The following TENM2 variants were observed in gnomAD, a reference collection of about 807,000 sequenced individuals.
The protein encoded by TENM2 is teneurin transmembrane protein 2, also known as teneurin-2.
TENM2 carries 52 observed loss-of-function variants against 245.2 expected under a neutral mutation model. That is an observed-to-expected ratio of 0.21 (90% CI 0.17 to 0.27). The LOEUF (loss-of-function observed/expected upper bound fraction) is 0.27, where lower values mean the gene tolerates loss of function less well. Ranked by LOEUF, TENM2 falls within the 10% of genes least tolerant of loss-of-function variation. TENM2 has a pLI of 1.00. For synonymous variants in TENM2, 1,363 were observed against 1,438.9 expected (o/e 0.95, Z 1.19); for missense variants, 3,046 against 3,666.8 (o/e 0.83, Z 4.37).
chr5:168,006,556 C>T (rs1193202666), intron 5 of TENM2, among the ~76,000 whole-genome samples: 1 of 152,132 alleles, frequency 6.6e-6, no homozygotes, highest in Non-Finnish European at 1.5e-5. Context: ...CTAACTGGGG[C>T]CCGCTGCCTA....
intron 2 of TENM2, among the ~76,000 whole-genome samples, chr5:167,391,624 A>C (rs1224543674): frequency 3.8e-5 from 3 of 78,678 alleles, no homozygotes; most frequent in African/African-American, 2.3e-4. Flanking sequence ...GACTTCATCA[A>C]AAAAAAAAAA....
At chr5:167,413,586 G>T (rs912700161) in intron 2 of TENM2, among the ~76,000 whole-genome samples, 1 of 152,054 alleles carries the variant, frequency 6.6e-6, no homozygotes, top group Non-Finnish European at 1.5e-5. Flanking sequence ...CACATTGTAG[G>T]TTTACCTCCC....
At chr5:168,000,149 T>C (rs1002372650) in intron 5 of TENM2, among the ~76,000 whole-genome samples, 3 of 152,214 alleles carry the variant, frequency 2.0e-5, no homozygotes, top group Admixed American at 1.3e-4. Context: ...CTGGATTCCT[T>C]TGGGTGGTGG....
At chr5:166,994,329 G>GT in the TENM2 span, among the ~76,000 whole-genome samples, 32 of 152,114 alleles carry the variant, frequency 2.1e-4, no homozygotes, top group African/African-American at 5.6e-4. Context: ...AGCTTCCTCT[G>GT]TTTTTTTCTT....
chr5:167,317,521 C>CT (rs5873027), intron 1 of TENM2, among the ~76,000 whole-genome samples: 4,256 of 152,214 alleles, frequency 0.028, 349 homozygotes, highest in Admixed American at 0.17. Context: ...GAGCATCTGT[C>CT]TATTATTCCT....
chr5:167,078,254 C>T, the TENM2 span, among the ~76,000 whole-genome samples: 4 of 151,936 alleles, frequency 2.6e-5, no homozygotes, highest in Non-Finnish European at 4.4e-5. Context: ...GAGGCTAAGA[C>T]GGGTGGATCT....
the TENM2 span, among the ~76,000 whole-genome samples, chr5:167,065,029 G>A: frequency 6.6e-6 from 1 of 151,900 alleles, no homozygotes; most frequent in South Asian, 2.1e-4. Flanking sequence ...CGTTTTAAAG[G>A]GTACAGTTCA....
intron 3 of TENM2, among the ~76,000 whole-genome samples, chr5:167,941,093 C>T (rs996257585): frequency 3.3e-5 from 5 of 152,200 alleles, no homozygotes; most frequent in African/African-American, 9.6e-5. Flanking sequence ...ATTGCTAATT[C>T]ATGACTTAAA....
chr5:167,329,119 G>A (rs1581757032), intron 1 of TENM2, among the ~76,000 whole-genome samples: 1 of 152,154 alleles, frequency 6.6e-6, no homozygotes, highest in South Asian at 2.1e-4. Context: ...TTGGCTTCAT[G>A]CAACAACAAC....
chr5:167,017,162 G>C, the TENM2 span, among the ~76,000 whole-genome samples: 3 of 152,174 alleles, frequency 2.0e-5, no homozygotes, highest in African/African-American at 7.2e-5. Flanking sequence ...GTAAAAATCT[G>C]TCCTTTGAGG....
At chr5:168,166,846 G>A (rs1221703635) in intron 13 of TENM2, among the ~76,000 whole-genome samples, 1 of 152,132 alleles carries the variant, frequency 6.6e-6, no homozygotes, top group Non-Finnish European at 1.5e-5. Flanking sequence ...TGTTGGAGAA[G>A]GCTGCCTTAG....
the TENM2 span, among the ~76,000 whole-genome samples, chr5:167,256,042 G>A: frequency 6.6e-6 from 1 of 152,094 alleles, no homozygotes; most frequent in African/African-American, 2.4e-5. Context: ...TTTGTTAAAC[G>A]CTCTTTATTC....
chr5:168,047,047 G>A (rs1788666642), intron 5 of TENM2, among the ~76,000 whole-genome samples: 1 of 152,194 alleles, frequency 6.6e-6, no homozygotes, highest in African/African-American at 2.4e-5. Context: ...TAGACTAACA[G>A]TCTAAAAGCA....
At chr5:167,137,516 C>T in the TENM2 span, among the ~76,000 whole-genome samples, 7 of 152,236 alleles carry the variant, frequency 4.6e-5, no homozygotes, top group Admixed American at 2.0e-4. Flanking sequence ...GCTCTAAATT[C>T]GGGAATCTCC....
intron 2 of TENM2, among the ~76,000 whole-genome samples, chr5:167,714,791 C>A (rs1759148327): frequency 6.6e-6 from 1 of 152,150 alleles, no homozygotes; most frequent in Admixed American, 6.5e-5. Context: ...AGACCCTGTG[C>A]CAAAACTCAT....
chr5:167,151,042 T>A, the TENM2 span, among the ~76,000 whole-genome samples: 44 of 152,306 alleles, frequency 2.9e-4, no homozygotes, highest in African/African-American at 1.0e-3. Flanking sequence ...CTTTCAAGCC[T>A]CTCCTGGCTT....
At chr5:167,349,422 C>A (rs980748610) in intron 1 of TENM2, among the ~76,000 whole-genome samples, 7 of 152,166 alleles carry the variant, frequency 4.6e-5, no homozygotes, top group South Asian at 2.1e-4. Flanking sequence ...TATTCTGACT[C>A]CAAAGCCTCT....
At chr5:167,890,566 C>T (rs1421981) in intron 3 of TENM2, among the ~76,000 whole-genome samples, 78,364 of 151,906 alleles carry the variant, frequency 0.52, 20,870 homozygotes, top group South Asian at 0.59. Flanking sequence ...AACCAAGAGA[C>T]GTACATAAAC....
At chr5:167,600,188 C>T (rs373499526) in intron 2 of TENM2, among the ~76,000 whole-genome samples, 4 of 150,504 alleles carry the variant, frequency 2.7e-5, no homozygotes, top group Admixed American at 2.0e-4. Flanking sequence ...TAACTTTTTC[C>T]TTATATGTTC....
Sources: gnomAD v4.1 joint callset for allele counts (sites outside exome capture counted in the v4.1 genomes callset) on GRCh38, gnomAD v4.1.1 for gene constraint, MANE v1.5 for transcripts, NCBI Gene and HGNC (gene_info 2026-07-23, HGNC 2026-07-21) for gene names.